The following ZNF324B variants were observed in gnomAD, a reference collection of about 807,000 sequenced individuals.
The protein encoded by ZNF324B is zinc finger protein 324B.
A neutral mutation model predicts 10.6 loss-of-function variants in ZNF324B; 7 were observed. The observed-to-expected ratio is 0.66, with a 90% CI of 0.38 to 1.24. The LOEUF (loss-of-function observed/expected upper bound fraction) is 1.24, where lower values mean the gene tolerates loss of function less well. ZNF324B is among the 50% of genes most tolerant of loss of function. The probability of loss-of-function intolerance (pLI) is 0.02; values close to 1 mark genes in which losing one functional copy is unlikely to be tolerated. For synonymous variants in ZNF324B, 316 were observed against 321.0 expected, an observed-to-expected ratio of 0.98 and a Z score of 0.17; for missense variants, 640 against 764.7, an observed-to-expected ratio of 0.84 and a Z score of 1.92.
At chr19:58,440,559 C>G in the ZNF324B span, 1 of 152,384 alleles carries the variant, frequency 6.6e-6, no homozygotes, top group Non-Finnish European at 1.5e-5. Context: ...CTCCCTGGGC[C>G]CATGGAAACA....
the ZNF324B span, among the ~76,000 whole-genome samples, chr19:58,424,282 A>ACAG: frequency 9.7e-3 from 1,483 of 152,192 alleles, 30 homozygotes; most frequent in African/African-American, 0.034. Flanking sequence ...AACAACAACA[A>ACAG]CAACAAAGGA....
At chr19:58,433,322 CTCA>C in the ZNF324B span, 2 of 1,608,228 alleles carry the variant, frequency 1.2e-6, no homozygotes, top group South Asian at 2.2e-5. Context: ...TAAGGCTCCA[CTCA>C]GGTATGAATC....
At chr19:58,421,751 T>C in the ZNF324B span, among the ~76,000 whole-genome samples, 1 of 152,224 alleles carries the variant, frequency 6.6e-6, no homozygotes, top group Non-Finnish European at 1.5e-5. Context: ...GACAAAATTA[T>C]GCAAGACTTG....
At chr19:58,453,985 C>A (rs544566316) in intron 2 of ZNF324B, among the ~76,000 whole-genome samples, 163 bp downstream of exon 2, 1 of 152,174 alleles carries the variant, frequency 6.6e-6, no homozygotes, top group Non-Finnish European at 1.5e-5. Flanking sequence ...CACTCCTTGC[C>A]GCCCTGTCCA....
chr19:58,424,146 G>A, the ZNF324B span, among the ~76,000 whole-genome samples: 7 of 152,088 alleles, frequency 4.6e-5, no homozygotes, highest in South Asian at 2.1e-4. Flanking sequence ...CTACTTGGGA[G>A]GCTAAGGCAG....
the ZNF324B span, chr19:58,444,740 T>C: frequency 6.6e-6 from 1 of 152,252 alleles, no homozygotes; most frequent in Admixed American, 6.5e-5. Context: ...CCTTTTCTCC[T>C]ACCAAAAAAC....
chr19:58,453,600 G>A (rs2052883214), intron 1 of ZNF324B, 96 bp from the exon 2 acceptor site: 1 of 1,536,164 alleles, frequency 6.5e-7, no homozygotes, highest in Non-Finnish European at 9.0e-7. Flanking sequence ...AAGGAAGGAG[G>A]GACACTGGGG....
At chr19:58,427,291 T>G in the ZNF324B span, among the ~76,000 whole-genome samples, 2 of 58,310 alleles carry the variant, frequency 3.4e-5, no homozygotes, top group East Asian at 5.0e-4. Context: ...TGCCTGGCTT[T>G]TTTCTTTCTT....
At chr19:58,436,134 A>G in the ZNF324B span, among the ~76,000 whole-genome samples, 3 of 152,236 alleles carry the variant, frequency 2.0e-5, no homozygotes, top group South Asian at 2.1e-4. Context: ...GTAAATCTAT[A>G]TAGTCAGAAA....
Position 58,454,337 on chromosome 19 carries a change from C to T in ZNF324B, c.231C>T (p.Leu77=), listed in dbSNP as rs1250358780. Residue 77 remains leucine (L), a synonymous_variant, in exon 3 of 4, where the codon CTC becomes CTT. Coordinates refer to ENST00000336614, the MANE Select transcript of ZNF324B (RefSeq NM_207395.3). ...TGGCCAGGAACACCTACGGGAGGCT[C>T]AACTCTGGTGAGTGGGAGCTCAGGT... ...MTLARNTYGR[L]NSGSWSLTED... The T allele has an allele frequency of 1.2e-6, 2 of 1,611,742 alleles. No homozygotes were observed. The highest frequency in any genetic ancestry group is 8.5e-7 in the Non-Finnish European group (1 of 1,177,798).
chr19:58,423,835 A>T, the ZNF324B span, among the ~76,000 whole-genome samples: 1 of 152,182 alleles, frequency 6.6e-6, no homozygotes, highest in African/African-American at 2.4e-5. Flanking sequence ...TCTTCAATAA[A>T]TCCAAAAACT....
At chr19:58,451,877 G>A (rs2052861443) in intron 1 of ZNF324B, 173 bp downstream of exon 1, 1 of 253,212 alleles carries the variant, frequency 3.9e-6, no homozygotes, top group Admixed American at 6.2e-5. Context: ...GCAGGCTGAG[G>A]CGCGGGGCAG....
chr19:58,435,761 C>A, the ZNF324B span: 68 of 153,058 alleles, frequency 4.4e-4, no homozygotes, highest in Non-Finnish European at 8.3e-4. Flanking sequence ...GTGTACAGGA[C>A]TGTTCATAGC....
At chr19:58,439,278 G>A in the ZNF324B span, among the ~76,000 whole-genome samples, 1 of 152,034 alleles carries the variant, frequency 6.6e-6, no homozygotes, top group Non-Finnish European at 1.5e-5. Context: ...CCAGTCTGCT[G>A]CCCACTAGGC....
the ZNF324B span, among the ~76,000 whole-genome samples, chr19:58,427,489 C>T: frequency 2.7e-5 from 3 of 111,118 alleles, no homozygotes; most frequent in East Asian, 2.3e-4. Context: ...TTCCTTCCTT[C>T]CTTCCTTTCT....
the ZNF324B span, chr19:58,440,588 G>C: frequency 1.3e-5 from 2 of 152,366 alleles, no homozygotes; most frequent in Admixed American, 6.5e-5. Flanking sequence ...GAAGGCACGA[G>C]AGTCGGGGAA....
At chr19:58,446,849 A>G (rs1055712284), upstream of ZNF324B, among the ~76,000 whole-genome samples, 9 of 152,068 alleles carry the variant, frequency 5.9e-5, no homozygotes, top group African/African-American at 2.2e-4. Context: ...TGCTGGGATT[A>G]CAGGCATGAG....
the ZNF324B span, chr19:58,440,255 T>G: frequency 4.3e-6 from 1 of 231,718 alleles, no homozygotes. Context: ...GCTATTTCCC[T>G]ATGCCCGTCA....
chr19:58,448,425 G>C (rs1282290610), upstream of ZNF324B, among the ~76,000 whole-genome samples: 2 of 152,182 alleles, frequency 1.3e-5, no homozygotes, highest in African/African-American at 4.8e-5. Context: ...ATTTGAGGGA[G>C]ATGACTTAAA....
Sources: allele counts gnomAD v4.1 joint callset (sites outside exome capture counted in the v4.1 genomes callset), GRCh38; gene constraint gnomAD v4.1.1; transcripts MANE v1.5; gene names NCBI Gene and HGNC (gene_info 2026-07-23, HGNC 2026-07-21).